Variants in GALNT13 observed in about 807,000 individuals in gnomAD.
The protein encoded by GALNT13 is UDP-GalNAc:polypeptide N-acetylgalactosaminyltransferase 13.
In GALNT13, 28 loss-of-function variants were observed where a neutral mutation model predicts 64.2. The ratio of observed to expected loss-of-function variants is 0.44; its 90% CI spans 0.32 to 0.60. The LOEUF (loss-of-function observed/expected upper bound fraction) is 0.60, where lower values mean the gene tolerates loss of function less well. GALNT13 is among the 20% of genes least tolerant of loss of function. The pLI is 0.05. For synonymous variants in GALNT13, 214 were observed against 224.6 expected (o/e 0.95, Z 0.42); for missense variants, 577 against 669.8 (o/e 0.86, Z 1.53).
At chr2:153,727,332 A>G in the GALNT13 span, among the ~76,000 whole-genome samples, 1 of 152,092 alleles carries the variant, frequency 6.6e-6, no homozygotes, top group Non-Finnish European at 1.5e-5. Flanking sequence ...TACATCATTC[A>G]TTCTCATTGT....
chr2:153,356,001 C>T, the GALNT13 span, among the ~76,000 whole-genome samples: 76 of 152,050 alleles, frequency 5.0e-4, 1 homozygote, highest in Admixed American at 9.2e-4. Context: ...TTTTAGCAGC[C>T]GGAAGGGGTC....
the GALNT13 span, among the ~76,000 whole-genome samples, chr2:153,521,249 A>G: frequency 6.6e-6 from 1 of 151,634 alleles, no homozygotes; most frequent in Non-Finnish European, 1.5e-5. Context: ...TTTACACAGG[A>G]CCACTATGGT....
the GALNT13 span, among the ~76,000 whole-genome samples, chr2:153,394,563 A>T: frequency 6.6e-6 from 1 of 152,120 alleles, no homozygotes; most frequent in Non-Finnish European, 1.5e-5. Context: ...CTCTACAGTT[A>T]TAAAACTTAG....
the GALNT13 span, among the ~76,000 whole-genome samples, chr2:153,810,080 C>A: frequency 5.9e-5 from 9 of 152,156 alleles, no homozygotes; most frequent in Admixed American, 5.9e-4. Flanking sequence ...CCTGCCTCAG[C>A]CTCTCGAGTA....
the GALNT13 span, among the ~76,000 whole-genome samples, chr2:153,070,094 G>A: frequency 6.6e-6 from 1 of 152,124 alleles, no homozygotes; most frequent in Non-Finnish European, 1.5e-5. Flanking sequence ...AACTACTTGA[G>A]GAGTTTGGGG....
the GALNT13 span, among the ~76,000 whole-genome samples, chr2:153,082,394 G>C: frequency 6.6e-6 from 1 of 151,084 alleles, no homozygotes; most frequent in South Asian, 2.1e-4. Context: ...ACTTGAAAGG[G>C]AGGATGTATT....
chr2:153,723,656 A>G, the GALNT13 span, among the ~76,000 whole-genome samples: 1 of 152,140 alleles, frequency 6.6e-6, no homozygotes, highest in Non-Finnish European at 1.5e-5. Flanking sequence ...CCTATACACC[A>G]ACAACAAACA....
At chr2:153,097,114 CTGTT>C in the GALNT13 span, among the ~76,000 whole-genome samples, 1 of 152,032 alleles carries the variant, frequency 6.6e-6, no homozygotes, top group Non-Finnish European at 1.5e-5. Context: ...TATAACAAAA[CTGTT>C]TGGATAAACA....
At chr2:154,185,388 C>T (rs1686193415) in intron 4 of GALNT13, among the ~76,000 whole-genome samples, 1 of 151,740 alleles carries the variant, frequency 6.6e-6, no homozygotes, top group African/African-American at 2.4e-5. Flanking sequence ...TGTTCATTTC[C>T]CTATTTGTAT....
chr2:154,133,539 TATATATATATATATATATATATATATATA>T (rs1682758902), intron 3 of GALNT13, among the ~76,000 whole-genome samples: 1 of 10,546 alleles, frequency 9.5e-5, no homozygotes, highest in East Asian at 1.0e-3. Context: ...CCATTTTATA[TATATATATATATATATATATATATATATA>T]TATATATATA....
intron 8 of GALNT13, among the ~76,000 whole-genome samples, chr2:154,276,714 T>G (rs1394725842): frequency 1.3e-5 from 2 of 152,188 alleles, no homozygotes; most frequent in African/African-American, 2.4e-5. Context: ...CATCTTGAAT[T>G]GTAGTTCCCA....
the GALNT13 span, among the ~76,000 whole-genome samples, chr2:153,627,215 G>A: frequency 6.6e-6 from 1 of 152,024 alleles, no homozygotes; most frequent in Non-Finnish European, 1.5e-5. Context: ...TTTGTCCTTA[G>A]TGATGTCATT....
chr2:153,069,303 G>A, the GALNT13 span, among the ~76,000 whole-genome samples: 21 of 152,094 alleles, frequency 1.4e-4, no homozygotes, highest in Non-Finnish European at 2.9e-4. Context: ...TGCTTGACAG[G>A]GTCTCTTATT....
At chr2:154,031,959 C>A (rs1284714238) in intron 3 of GALNT13, among the ~76,000 whole-genome samples, 1 of 151,850 alleles carries the variant, frequency 6.6e-6, no homozygotes, top group African/African-American at 2.4e-5. Flanking sequence ...AGCAACAATG[C>A]AGCTAAAGCA....
At chr2:154,001,282 A>G (rs1049190259) in intron 3 of GALNT13, among the ~76,000 whole-genome samples, 3 of 151,962 alleles carry the variant, frequency 2.0e-5, no homozygotes, top group African/African-American at 4.8e-5. Context: ...ATTCATTTAT[A>G]TTCAAAGTTA....
chr2:153,616,886 C>G, the GALNT13 span, among the ~76,000 whole-genome samples: 1 of 151,940 alleles, frequency 6.6e-6, no homozygotes, highest in African/African-American at 2.4e-5. Context: ...AATTTGACTT[C>G]TTTCTTTCCT....
At chr2:154,224,857 A>G (rs1380766654) in intron 4 of GALNT13, among the ~76,000 whole-genome samples, 1 of 152,152 alleles carries the variant, frequency 6.6e-6, no homozygotes, top group East Asian at 1.9e-4. Flanking sequence ...GTGATACTGC[A>G]CATGCAACAG....
chr2:153,843,621 T>A, the GALNT13 span, among the ~76,000 whole-genome samples: 8 of 152,348 alleles, frequency 5.3e-5, no homozygotes, highest in South Asian at 6.2e-4. Context: ...CTTAACTTAG[T>A]CTGGCATTAA....
the GALNT13 span, chr2:153,478,421 G>C: frequency 3.1e-6 from 5 of 1,614,066 alleles, no homozygotes; most frequent in Non-Finnish European, 4.2e-6. Flanking sequence ...TACAGGCTAC[G>C]CTCGTCCGGG....
Sources: gnomAD v4.1 joint callset for allele counts (sites outside exome capture counted in the v4.1 genomes callset) on GRCh38, gnomAD v4.1.1 for gene constraint, MANE v1.5 for transcripts, NCBI Gene and HGNC (gene_info 2026-07-23, HGNC 2026-07-21) for gene names.